Variants in UGT2B4 observed in about 807,000 individuals in gnomAD.
UGT2B4 encodes the protein UDP-glucuronosyltransferase 2B4.
In UGT2B4, 49 loss-of-function variants were observed where a neutral mutation model predicts 49.8. That is an observed-to-expected ratio of 0.98 (90% CI 0.78 to 1.25). The LOEUF (loss-of-function observed/expected upper bound fraction) is 1.25, where lower values mean the gene tolerates loss of function less well. UGT2B4 is among the 50% of genes most tolerant of loss of function. The pLI is 0.00. For synonymous variants in UGT2B4, 246 were observed against 217.7 expected, an observed-to-expected ratio of 1.13 and a Z score of -1.14; for missense variants, 729 against 627.7, an observed-to-expected ratio of 1.16 and a Z score of -1.73.
chr4:69,481,579 T>C (rs1560430411), intron 5 of UGT2B4, among the ~76,000 whole-genome samples: 1 of 152,170 alleles, frequency 6.6e-6, no homozygotes, highest in Non-Finnish European at 1.5e-5. Context: ...GTGCATGAGA[T>C]GTTTTGATAC....
chr4:69,484,456 T>G (rs959339661), intron 5 of UGT2B4, among the ~76,000 whole-genome samples: 3 of 152,130 alleles, frequency 2.0e-5, no homozygotes, highest in Non-Finnish European at 2.9e-5. Context: ...ATAAATGAAC[T>G]ATTAATACAC....
At chr4:69,506,282 C>A (rs914344728) in intron 1 of UGT2B4, among the ~76,000 whole-genome samples, 6 of 151,832 alleles carry the variant, frequency 4.0e-5, no homozygotes, top group African/African-American at 1.5e-4. Flanking sequence ...AAAAATGAAT[C>A]AAGAATCTGG....
chr4:69,504,640 A>G (rs186496370), intron 1 of UGT2B4, among the ~76,000 whole-genome samples: 187 of 151,038 alleles, frequency 1.2e-3, no homozygotes, highest in African/African-American at 4.5e-3. Context: ...AGTGCCTGAA[A>G]GATATGGGGA....
intron 5 of UGT2B4, among the ~76,000 whole-genome samples, chr4:69,482,700 A>G (rs1727629470): frequency 6.6e-6 from 1 of 151,658 alleles, no homozygotes; most frequent in Non-Finnish European, 1.5e-5. Context: ...TCCACCTCCC[A>G]GGTTCAAGTA....
chr4:69,484,462 T>A (rs1416121612), intron 5 of UGT2B4, among the ~76,000 whole-genome samples: 1 of 152,080 alleles, frequency 6.6e-6, no homozygotes, highest in African/African-American at 2.4e-5. Context: ...GAACTATTAA[T>A]ACACACAATA....
At chr4:69,524,722 G>A (rs191046068) in intron 1 of UGT2B4, among the ~76,000 whole-genome samples, 1 of 151,372 alleles carries the variant, frequency 6.6e-6, no homozygotes, top group Non-Finnish European at 1.5e-5. Flanking sequence ...CCAAATATCT[G>A]CAAAGCATGA....
chr4:69,514,976 A>G (rs1409613659), intron 1 of UGT2B4, among the ~76,000 whole-genome samples: 1 of 152,222 alleles, frequency 6.6e-6, no homozygotes, highest in Non-Finnish European at 1.5e-5. Context: ...AGATCTATCT[A>G]TCCTAAGTAC....
intron 5 of UGT2B4, among the ~76,000 whole-genome samples, chr4:69,482,350 CACATA>C (rs1221907065): frequency 1.3e-5 from 2 of 152,122 alleles, no homozygotes; most frequent in African/African-American, 4.8e-5. Context: ...AAGCATAAAA[CACATA>C]ACATAAGTGT....
intron 5 of UGT2B4, among the ~76,000 whole-genome samples, chr4:69,482,741 G>T (rs376035322): frequency 6.6e-6 from 1 of 151,714 alleles, no homozygotes; most frequent in Non-Finnish European, 1.5e-5. Flanking sequence ...TGAGTAGCTG[G>T]GATTACAGGT....
chr4:69,518,653 G>C (rs1728785194), intron 1 of UGT2B4, among the ~76,000 whole-genome samples: 1 of 152,056 alleles, frequency 6.6e-6, no homozygotes, highest in African/African-American at 2.4e-5. Flanking sequence ...TTGATGTTAA[G>C]AAAAATTAAA....
chr4:69,482,809 T>C (rs1727631863), intron 5 of UGT2B4, among the ~76,000 whole-genome samples: 1 of 151,856 alleles, frequency 6.6e-6, no homozygotes, highest in Admixed American at 6.6e-5. Flanking sequence ...GTTTTCACCA[T>C]GTTCATCAGG....
intron 1 of UGT2B4, among the ~76,000 whole-genome samples, chr4:69,504,101 T>C (rs763741288): frequency 2.0e-5 from 3 of 152,100 alleles, no homozygotes; most frequent in Non-Finnish European, 4.4e-5. Flanking sequence ...CAAAAATTGA[T>C]GACAGGCCCA....
chr4:69,507,889 A>G (rs1161505893), intron 1 of UGT2B4, among the ~76,000 whole-genome samples: 2 of 152,252 alleles, frequency 1.3e-5, no homozygotes, highest in African/African-American at 2.4e-5. Flanking sequence ...ACTTTTGCAC[A>G]GCAAAAGAAA....
At position 69,495,387 on chromosome 4, in the gene UGT2B4, GC is replaced by G; in HGVS notation, c.474del (p.Glu158AspfsTer44). 1 of 1,614,018 alleles carries G rather than the reference GC, an allele frequency of 6.2e-7. No homozygotes were observed. Among genetic ancestry groups the G allele is most frequent in the Non-Finnish European group, 8.5e-7 (1 of 1,179,972 alleles). On this transcript the variant is annotated frameshift_variant, in exon 1 of 6. Coordinates refer to ENST00000305107, the MANE Select transcript of UGT2B4 (RefSeq NM_021139.3). LOFTEE classifies it high-confidence loss of function. ...GGTATTTTAAGTAACTCGGCCAGCAGCTCACCAAAGGGGAAAACAGCATCTG... is the reference window on the plus strand; with the variant it reads ...GGTATTTTAAGTAACTCGGCCAGCAGTCACCAAAGGGGAAAACAGCATCTG... ...VLADAVFPFG[E>X]LLAELLKIPF...
At chr4:69,500,626 AAAG>A, upstream of UGT2B4, among the ~76,000 whole-genome samples, 1 of 86,402 alleles carries the variant, frequency 1.2e-5, no homozygotes, top group Non-Finnish European at 2.8e-5. Flanking sequence ...AGAAAGAAAG[AAAG>A]AAAGAAAGAA....
upstream of UGT2B4, among the ~76,000 whole-genome samples, chr4:69,498,190 C>T (rs1728214144): frequency 6.6e-6 from 1 of 152,202 alleles, no homozygotes; most frequent in Non-Finnish European, 1.5e-5. Context: ...GTGTGACTCA[C>T]TTTATTGCAT....
In UGT2B4 at chr4:69,491,039, AT is replaced by A. The variant is rs948908591; in HGVS notation, c.871-1470del. Among the ~76,000 whole-genome samples the A allele has an allele frequency of 3.9e-5, 6 of 152,122 alleles. No homozygotes were observed. In the East Asian group the frequency reaches 5.8e-4, roughly 15 times the overall value. On this transcript the variant is annotated intron_variant, in intron 2 of 5. Coordinates refer to ENST00000305107, the MANE Select transcript of UGT2B4 (RefSeq NM_021139.3). ...TAGTGCAAGTTCTAAAAAGAAAATA[AT>A]TTTTTTTCTAAAATTTTTGTCGAGA... is the stretch of plus-strand genomic sequence containing the variant.
At chr4:69,519,143 C>A (rs1728792811) in intron 1 of UGT2B4, among the ~76,000 whole-genome samples, 1 of 152,086 alleles carries the variant, frequency 6.6e-6, no homozygotes, top group Non-Finnish European at 1.5e-5. Context: ...TCTATAATGA[C>A]AAATTATGGA....
chr4:69,520,999 G>C lies in UGT2B4; in HGVS notation c.-106+4688C>G, dbSNP rs565875533. Among the ~76,000 whole-genome samples, 5 of 152,194 alleles carry C rather than the reference G, an allele frequency of 3.3e-5. No individual in the cohort carries two copies. The East Asian group carries it at 9.7e-4, about 29-fold the overall frequency. On this transcript the variant is annotated intron_variant, in intron 1 of 1. Coordinates refer to the UGT2B4 transcript ENST00000510114. ...TCATGTTCAGCCCATGGACCAATCG[G>C]CAAGCAGTTCCTCCCTTCTGAGCCC...
Sources: gnomAD v4.1 joint callset for allele counts (sites outside exome capture counted in the v4.1 genomes callset) on GRCh38, gnomAD v4.1.1 for gene constraint, MANE v1.5 for transcripts, NCBI Gene and HGNC (gene_info 2026-07-23, HGNC 2026-07-21) for gene names.